RIMS1: variants seen among roughly 807,000 people sequenced by gnomAD.
The protein encoded by RIMS1 is regulating synaptic membrane exocytosis 1.
In RIMS1, 83 loss-of-function variants were observed where a neutral mutation model predicts 214.1. The ratio of observed to expected loss-of-function variants is 0.39; its 90% CI spans 0.32 to 0.47. RIMS1 has a LOEUF of 0.47. RIMS1 is among the 20% of genes least tolerant of loss of function. RIMS1 has a pLI of 0.99. For missense variants in RIMS1, 2,050 were observed against 2,161.8 expected (o/e 0.95, Z 1.03); for synonymous variants, 793 against 786.8 (o/e 1.01, Z -0.13).
rs9791226 is a variant in RIMS1, at chr6:72,185,285, A to G, written c.1678+2136A>G. 2.9e-5 allele frequency among the ~76,000 whole-genome samples: 4 copies of G among 135,776 alleles called. No individual in the cohort carries two copies. The South Asian group carries it at 9.5e-4, about 32-fold the overall frequency. 89.1% of individuals were successfully genotyped at this position (135,776 alleles called of 152,430 possible). On this transcript the variant is annotated intron_variant, in intron 6 of 33. Transcript: ENST00000521978. ...ATCTGGAAGGATTACACCATTGAAG[A>G]TGCCATCGTTGTTATAGAAAAAAAA...
intron 6 of RIMS1, among the ~76,000 whole-genome samples, chr6:72,190,001 A>G (rs188224546): frequency 6.6e-6 from 1 of 152,290 alleles, no homozygotes; most frequent in Non-Finnish European, 1.5e-5. Flanking sequence ...GCTTCTTCCA[A>G]GTCCCTGACC....
At chr6:72,145,355 C>T (rs1291669766) in intron 4 of RIMS1, among the ~76,000 whole-genome samples, 2 of 152,162 alleles carry the variant, frequency 1.3e-5, no homozygotes, top group African/African-American at 4.8e-5. Flanking sequence ...CGGCTCACGC[C>T]TATAATCTCA....
At chr6:72,268,960 C>A (rs2081806894) in intron 22 of RIMS1, among the ~76,000 whole-genome samples, 1 of 152,076 alleles carries the variant, frequency 6.6e-6, no homozygotes, top group South Asian at 2.1e-4. Flanking sequence ...TGCTATTAAC[C>A]TTTGCTTTTC....
chr6:72,233,220 A>C (rs1381327681), intron 6 of RIMS1, among the ~76,000 whole-genome samples: 1 of 151,690 alleles, frequency 6.6e-6, no homozygotes, highest in Non-Finnish European at 1.5e-5. Context: ...ACTTTTGAGT[A>C]CTCTGTCATT....
intron 28 of RIMS1, among the ~76,000 whole-genome samples, chr6:72,327,037 C>T (rs1395927095): frequency 6.6e-6 from 1 of 151,668 alleles, no homozygotes. Flanking sequence ...GAAACATATT[C>T]TCCCCTAAAG....
intron 29 of RIMS1, among the ~76,000 whole-genome samples, chr6:72,385,864 G>A (rs1054311669): frequency 2.0e-5 from 3 of 152,134 alleles, no homozygotes; most frequent in South Asian, 2.1e-4. Context: ...AACTAGAACT[G>A]TTTATTGAGC....
intron 27 of RIMS1, 51 bp from the exon 28 acceptor site, chr6:72,313,455 T>G: frequency 6.4e-7 from 1 of 1,554,252 alleles, no homozygotes; most frequent in Non-Finnish European, 8.8e-7. Flanking sequence ...CATCTATGTT[T>G]TTTCCATTGT....
At chr6:72,094,894 A>C (rs1460873628) in intron 2 of RIMS1, among the ~76,000 whole-genome samples, 2 of 151,498 alleles carry the variant, frequency 1.3e-5, no homozygotes, top group African/African-American at 2.4e-5. Flanking sequence ...CTCTGCTTAG[A>C]GTTTCCTTGG....
At chr6:71,940,515 G>C (rs1785741587) in intron 1 of RIMS1, among the ~76,000 whole-genome samples, 1 of 152,216 alleles carries the variant, frequency 6.6e-6, no homozygotes, top group Admixed American at 6.5e-5. Context: ...CACAAGTAAA[G>C]TGTGGTCTGT....
intron 28 of RIMS1, among the ~76,000 whole-genome samples, chr6:72,330,825 CAGTT>C (rs1185383466): frequency 7.9e-5 from 12 of 151,490 alleles, no homozygotes; most frequent in Non-Finnish European, 1.8e-4. Flanking sequence ...ACTGCCTCCT[CAGTT>C]AGAAGAAATG....
intron 2 of RIMS1, among the ~76,000 whole-genome samples, chr6:72,093,528 T>G (rs746711239): frequency 1.3e-5 from 2 of 152,106 alleles, no homozygotes; most frequent in Non-Finnish European, 1.5e-5. Flanking sequence ...TTTCAAACAT[T>G]CTGTGCCTTT....
intron 6 of RIMS1, among the ~76,000 whole-genome samples, chr6:72,228,551 C>T (rs142819694): frequency 1.8e-3 from 269 of 151,924 alleles, no homozygotes; most frequent in Non-Finnish European, 1.8e-3. Context: ...GTTTATACCA[C>T]GTTTTCTTTA....
chr6:72,074,845 C>T (rs892937420), intron 2 of RIMS1, among the ~76,000 whole-genome samples: 1 of 152,118 alleles, frequency 6.6e-6, no homozygotes, highest in African/African-American at 2.4e-5. Flanking sequence ...GTGTAATTAA[C>T]ATAAGCAAAT....
At chr6:72,083,629 C>T (rs772187589) in intron 2 of RIMS1, among the ~76,000 whole-genome samples, 5 of 152,224 alleles carry the variant, frequency 3.3e-5, no homozygotes, top group South Asian at 2.1e-4. Flanking sequence ...AACTTAAAAG[C>T]GAAGTACTCT....
At chr6:72,035,486 A>T (rs2152042106) in intron 2 of RIMS1, among the ~76,000 whole-genome samples, 1 of 152,272 alleles carries the variant, frequency 6.6e-6, no homozygotes, top group Middle Eastern at 3.4e-3. Context: ...TTAGCAACAA[A>T]GACAAATATC....
At chr6:71,942,283 G>C (rs1015620721) in intron 1 of RIMS1, among the ~76,000 whole-genome samples, 2 of 152,088 alleles carry the variant, frequency 1.3e-5, no homozygotes, top group Non-Finnish European at 2.9e-5. Flanking sequence ...ATTAATATAA[G>C]AATTAAAAAT....
At chr6:72,295,693 C>A (rs2093996817) in intron 26 of RIMS1, among the ~76,000 whole-genome samples, 1 of 151,710 alleles carries the variant, frequency 6.6e-6, no homozygotes, top group Admixed American at 6.6e-5. Flanking sequence ...GCCAAACATA[C>A]TAATTTCCCA....
chr6:72,235,513 C>T, intron 7 of RIMS1, 105 bp from the exon 8 acceptor site: 1 of 691,958 alleles, frequency 1.4e-6, no homozygotes, highest in Non-Finnish European at 2.5e-6. Flanking sequence ...TAATGTTCTG[C>T]AGTTCTATCC....
At chr6:72,156,427 G>T (rs1247197523) in intron 4 of RIMS1, among the ~76,000 whole-genome samples, 1 of 140,338 alleles carries the variant, frequency 7.1e-6, no homozygotes, top group African/African-American at 2.5e-5. Flanking sequence ...TGAAAAAGTT[G>T]AACTCATAGA....
Sources: allele counts gnomAD v4.1 joint callset (sites outside exome capture counted in the v4.1 genomes callset), GRCh38; gene constraint gnomAD v4.1.1; transcripts MANE v1.5; gene names NCBI Gene and HGNC (gene_info 2026-07-23, HGNC 2026-07-21).